Variants in NOP9 observed in about 807,000 individuals in gnomAD.
NOP9 encodes nucleolar protein 9.
NOP9 carries 50 observed loss-of-function variants against 63.0 expected under a neutral mutation model. The observed-to-expected ratio is 0.79, with a 90% CI of 0.63 to 1.00. NOP9 has a LOEUF of 1.00. Among genes scored for constraint, NOP9 ranks in the 50% least tolerant of loss-of-function variants. NOP9 has a pLI of 0.00. For missense variants in NOP9, 758 were observed against 803.0 expected (o/e 0.94, Z 0.68); for synonymous variants, 343 against 332.8 (o/e 1.03, Z -0.33).
rs1270468619 is a variant in NOP9, at chr14:24,299,999, C to T, written c.45C>T (p.Phe15=). Residue 15 remains phenylalanine (F), a synonymous_variant, in exon 1 of 10, where the codon TTC becomes TTT. Coordinates refer to ENST00000267425, the MANE Select transcript of NOP9 (RefSeq NM_174913.3). ...CTCCACACAAGGTGGGGCGCCGGTT[C>T]CCAGCTGGTGGCAAACGGGGGCGCG... is the stretch of plus-strand genomic sequence containing the variant. ...PRSPHKVGRR[F]PAGGKRGRGA... 1.3e-6 allele frequency: 2 copies of T among 1,598,958 alleles called. No individual in the cohort carries two copies. The highest frequency in any genetic ancestry group is 1.7e-5 in the Admixed American group (1 of 58,860).
Position 24,306,160 on chromosome 14 carries a change from C to CA in NOP9, c.*1066dup. 10 of 1,606,204 alleles carry CA rather than the reference C, an allele frequency of 6.2e-6. No homozygotes were observed. Among genetic ancestry groups the CA allele is most frequent in the Non-Finnish European group, 8.5e-6 (10 of 1,174,864 alleles). On this transcript the variant is annotated 3_prime_UTR_variant, in exon 10 of 10. Coordinates refer to ENST00000267425, the MANE Select transcript of NOP9 (RefSeq NM_174913.3). ...ACTCTGTAGGACACCCTTGTCAGTG[C>CA]AGTAGATCCTCATACCAGACACCCA...
upstream of NOP9, chr14:24,296,413 G>C: frequency 1.7e-6 from 2 of 1,182,390 alleles, no homozygotes; most frequent in South Asian, 2.5e-5. Context: ...GATGGGGGAG[G>C]CCGGAGGGAA....
In NOP9 at chr14:24,306,360, T is replaced by G. The variant is rs2041506886; in HGVS notation, c.*1265T>G. ...GGACAGGCATTGGAAGCAGCCCCAG[T>G]ATAGGCCTCTTACCCTTGTAGGGCT... is the stretch of plus-strand genomic sequence containing the variant. On this transcript the variant is annotated 3_prime_UTR_variant, in exon 10 of 10. Coordinates refer to ENST00000267425, the MANE Select transcript of NOP9 (RefSeq NM_174913.3). The G allele has an allele frequency of 1.2e-6, 2 of 1,614,154 alleles. No individual in the cohort carries two copies. The highest frequency in any genetic ancestry group is 2.2e-5 in the South Asian group (2 of 91,086).
upstream of NOP9, chr14:24,296,389 A>G (rs757283177): frequency 1.9e-4 from 181 of 946,310 alleles, 5 homozygotes; most frequent in Non-Finnish European, 2.7e-4. Context: ...ATGGAATGGA[A>G]GGGAGAAGAA....
the NOP9 span, among the ~76,000 whole-genome samples, chr14:24,277,627 C>T: frequency 1.3e-5 from 2 of 152,164 alleles, no homozygotes; most frequent in African/African-American, 2.4e-5. Context: ...AAGCTCTGCC[C>T]GAGGCCGCAC....
the NOP9 span, chr14:24,290,738 A>G: frequency 7.7e-7 from 1 of 1,302,278 alleles, no homozygotes; most frequent in Non-Finnish European, 1.1e-6. Context: ...CACACAGCAG[A>G]GGGCTTCTCT....
chr14:24,304,791 C>A, intron 9 of NOP9, 147 bp from the exon 10 acceptor site: 1 of 999,016 alleles, frequency 1.0e-6, no homozygotes, highest in Non-Finnish European at 1.4e-6. Context: ...CCTCACCCTG[C>A]CCTCTGACTT....
Position 24,302,948 on chromosome 14 carries a change from C to T in NOP9, c.1144-126C>T, listed in dbSNP as rs939519022. 5 of 1,170,826 alleles carry T rather than the reference C, an allele frequency of 4.3e-6. No homozygotes were observed. In the African/African-American group the frequency reaches 8.0e-5, roughly 19 times the overall value. The allele number at this position is 1,170,826 out of a possible 1,614,324, so 72.5% of individuals were successfully genotyped here. On this transcript the variant is annotated intron_variant, in intron 5 of 9. Coordinates refer to ENST00000267425, the MANE Select transcript of NOP9 (RefSeq NM_174913.3). Reference sequence around the variant, plus strand: ...GGCCTTATCTAGCCAAACAAAAGTCCTGATACTGGCAATGCTTTTTATGTT... The same window carrying T: ...GGCCTTATCTAGCCAAACAAAAGTCTTGATACTGGCAATGCTTTTTATGTT...
In NOP9 at chr14:24,306,898, T is replaced by C; in HGVS notation, c.*1803T>C. 9.8e-6 allele frequency: 3 copies of C among 307,290 alleles called. No homozygotes were observed. In the East Asian group the frequency reaches 2.1e-4, roughly 21 times the overall value. 19.0% of individuals were successfully genotyped at this position (307,290 alleles called of 1,614,324 possible). A position where few individuals can be genotyped will look rare whatever the true frequency, so the allele number is the denominator to read the frequency against. On this transcript the variant is annotated 3_prime_UTR_variant, in exon 10 of 10. Transcript: ENST00000267425. Reference sequence around the variant, plus strand: ...TCTCCAGAAGTGTTTTCAGTAATAGTGTTTAACCTTTTTGAGTCCTTACTC... The same window carrying C: ...TCTCCAGAAGTGTTTTCAGTAATAGCGTTTAACCTTTTTGAGTCCTTACTC...
Position 24,305,850 on chromosome 14 carries a change from A to G in NOP9, c.*755A>G. 6.3e-7 allele frequency: 1 copy of G among 1,587,296 alleles called. No homozygotes were observed. The highest frequency in any genetic ancestry group is 8.6e-7 in the Non-Finnish European group (1 of 1,164,304). On this transcript the variant is annotated 3_prime_UTR_variant, in exon 10 of 10. Transcript: ENST00000267425. Reference sequence around the variant, plus strand: ...AGCTGGGAGATGAGGACTTTCCACAAGCAAGAGCTAACTAGGGGTAGGTGG... The same window carrying G: ...AGCTGGGAGATGAGGACTTTCCACAGGCAAGAGCTAACTAGGGGTAGGTGG...
rs1004397389 is a variant in NOP9, at chr14:24,305,083, A to G, written c.1899A>G (p.Ile633Met). The change falls in exon 10 of 10, where the codon ATA becomes ATG. Residue 633 changes from isoleucine (I) to methionine (M), a missense_variant. Ile to Met is a conservative substitution (Grantham distance 10). Coordinates refer to ENST00000267425, the MANE Select transcript of NOP9 (RefSeq NM_174913.3). ...AGCGGAGGCGGGCATTGAACTCCAT[A>G]CTTGAAGACTGAGGCTTTGGATCTG... ...VAKRRRALNS[I>M]LED The G allele has an allele frequency of 7.2e-6, 11 of 1,535,976 alleles. No individual in the cohort carries two copies. Among genetic ancestry groups the G allele is most frequent in the South Asian group, 4.9e-5 (4 of 81,650 alleles).
At position 24,302,051 on chromosome 14, in the gene NOP9, C is replaced by G; in HGVS notation, c.895C>G (p.Leu299Val). Residue 299 changes from leucine (L) to valine (V), a missense_variant, in exon 4 of 10, where the codon CTC becomes GTC. By Grantham distance (32) the Leu-to-Val change is conservative. Coordinates refer to ENST00000267425, the MANE Select transcript of NOP9 (RefSeq NM_174913.3). The stretch of plus-strand genomic sequence containing the variant: ...CAAACTTCCCCAGTTTTGCGCTCAT[C>G]TCTGCAATGCTGTGATTGGCTACCT... ...HRKLPQFCAH[L>V]CNAVIGYLST... The G allele has an allele frequency of 6.2e-7, 1 of 1,614,054 alleles. No homozygotes were observed.
At position 24,306,849 on chromosome 14, in the gene NOP9, C is replaced by T. The variant is rs986172898; in HGVS notation, c.*1754C>T. Reference sequence around the variant, plus strand: ...TTCTGTCTTATCTACAATGCTGCACCTCACTTCCCACACCCTCAAGAGTTC... The same window carrying T: ...TTCTGTCTTATCTACAATGCTGCACTTCACTTCCCACACCCTCAAGAGTTC... On this transcript the variant is annotated 3_prime_UTR_variant, in exon 10 of 10. Coordinates refer to ENST00000267425, the MANE Select transcript of NOP9 (RefSeq NM_174913.3). The T allele has an allele frequency of 2.6e-6, 1 of 390,064 alleles. No individual in the cohort carries two copies. The highest frequency in any genetic ancestry group is 3.8e-5 in the Admixed American group (1 of 26,572). The allele number at this position is 390,064 out of a possible 1,614,324, so 24.2% of individuals were successfully genotyped here. A position where few individuals can be genotyped will look rare whatever the true frequency, so the allele number is the denominator to read the frequency against.
At chr14:24,303,937 G>T in intron 7 of NOP9, 80 bp downstream of exon 7, 1 of 1,592,690 alleles carries the variant, frequency 6.3e-7, no homozygotes, top group South Asian at 1.1e-5. Flanking sequence ...GACTTCTGAG[G>T]TGAGAGTGGT....
At position 24,300,642 on chromosome 14, in the gene NOP9, CAGA is replaced by C. The variant is rs2041355155; in HGVS notation, c.483_485del (p.Glu169del). 4.0e-6 allele frequency: 4 copies of C among 1,011,730 alleles called. No individual in the cohort carries two copies. Among genetic ancestry groups the C allele is most frequent in the African/African-American group, 4.1e-5 (2 of 48,800 alleles). The allele number at this position is 1,011,730 out of a possible 1,614,324, so 62.7% of individuals were successfully genotyped here. A position where few individuals can be genotyped will look rare whatever the true frequency, so the allele number is the denominator to read the frequency against. On this transcript the variant is annotated inframe_deletion, in exon 2 of 10. Transcript: ENST00000267425. ...CTCCCTCGATTGCTGGGGAGTGCTG[CAGA>C]GGAGGAGGAGGAGGAGGAGGAGGAT...
chr14:24,300,272 G>A, intron 1 of NOP9, 71 bp downstream of exon 1: 1 of 1,586,144 alleles, frequency 6.3e-7, no homozygotes, highest in East Asian at 2.2e-5. Context: ...TTCTAGGGTC[G>A]GCAGGGCGTG....
chr14:24,292,353 G>T, the NOP9 span: 6 of 1,612,922 alleles, frequency 3.7e-6, no homozygotes, highest in Non-Finnish European at 5.1e-6. Context: ...GGAAGGCAGG[G>T]TAAGAGCCAC....
chr14:24,306,063 G>A lies in NOP9; in HGVS notation c.*968G>A, dbSNP rs142940048. The A allele has an allele frequency of 5.6e-6, 9 of 1,614,166 alleles. No individual in the cohort carries two copies. The highest frequency in any genetic ancestry group is 2.7e-5 in the African/African-American group (2 of 75,032). On this transcript the variant is annotated 3_prime_UTR_variant, in exon 10 of 10. Coordinates refer to ENST00000267425, the MANE Select transcript of NOP9 (RefSeq NM_174913.3). ...GGTCTCGAGGGTTTTGCTTGTACAC[G>A]TCAAAGGTGAATCGGGCGATGTCCT... is the stretch of plus-strand genomic sequence containing the variant.
At position 24,307,455 on chromosome 14, in the gene NOP9, G is replaced by T. The variant is rs1025507797; in HGVS notation, c.*2360G>T. On this transcript the variant is annotated 3_prime_UTR_variant, in exon 10 of 10. Coordinates refer to ENST00000267425, the MANE Select transcript of NOP9 (RefSeq NM_174913.3). ...GATCACAGACACGGAAAGGTCGCTG[G>T]GGTGGTGGAGCTGAGGTCCAGACCC... The T allele has an allele frequency of 1.2e-6, 2 of 1,614,106 alleles. No homozygotes were observed. The highest frequency in any genetic ancestry group is 1.7e-6 in the Non-Finnish European group (2 of 1,180,000).
Sources: allele counts gnomAD v4.1 joint callset (sites outside exome capture counted in the v4.1 genomes callset), GRCh38; gene constraint gnomAD v4.1.1; transcripts MANE v1.5; gene names NCBI Gene and HGNC (gene_info 2026-07-23, HGNC 2026-07-21).